The following DLG2 variants were observed in gnomAD, a reference collection of about 807,000 sequenced individuals.
DLG2 encodes discs large MAGUK scaffold protein 2.
A neutral mutation model predicts 132.5 loss-of-function variants in DLG2; 45 were observed. The observed-to-expected ratio is 0.34, with a 90% confidence interval of 0.27 to 0.44. The LOEUF is 0.44. Ranked by LOEUF, DLG2 falls within the 20% of genes least tolerant of loss-of-function variation. DLG2 has a pLI of 1.00. For missense variants in DLG2, 1,045 were observed against 1,196.9 expected (o/e 0.87, Z 1.87); for synonymous variants, 424 against 419.6 (o/e 1.01, Z -0.13).
chr11:84,202,603 C>CA (rs2096610960), intron 8 of DLG2, among the ~76,000 whole-genome samples: 1 of 152,084 alleles, frequency 6.6e-6, no homozygotes, highest in African/African-American at 2.4e-5. Flanking sequence ...GAAACAAAAG[C>CA]AAAAATTGAC....
At chr11:84,066,306 T>C (rs2096671516) in intron 10 of DLG2, among the ~76,000 whole-genome samples, 1 of 152,230 alleles carries the variant, frequency 6.6e-6, no homozygotes, top group South Asian at 2.1e-4. Context: ...CAATGTAATT[T>C]CCTTTTCATA....
intron 18 of DLG2, among the ~76,000 whole-genome samples, chr11:83,751,119 A>G (rs1397367507): frequency 6.6e-6 from 1 of 152,220 alleles, no homozygotes; most frequent in East Asian, 1.9e-4. Context: ...TATACTGTGG[A>G]GGCAGAAAAG....
chr11:84,610,355 A>AT lies in DLG2; in HGVS notation c.358-75625dup, dbSNP rs527399315. 7.0e-3 allele frequency among the ~76,000 whole-genome samples: 1,069 copies of AT among 151,994 alleles called. 8 individuals are homozygous for AT. Among genetic ancestry groups the AT allele is most frequent in the Non-Finnish European group, 0.01 (697 of 67,936 alleles). On this transcript the variant is annotated intron_variant, in intron 6 of 27. Coordinates refer to ENST00000376104, the MANE Select transcript of DLG2 (RefSeq NM_001142699.3). The stretch of plus-strand genomic sequence containing the variant: ...ATATTTTTTAAAAATTTTTTGCAAG[A>AT]TTTTTTTTGCCCTTAATACTTCCTA...
chr11:85,083,840 T>C (rs1164388118), intron 6 of DLG2, among the ~76,000 whole-genome samples: 1 of 152,032 alleles, frequency 6.6e-6, no homozygotes, highest in Non-Finnish European at 1.5e-5. Context: ...TTAATGCTGG[T>C]CAGTTGTGCC....
chr11:84,918,833 CAAAT>C (rs1478644627), intron 6 of DLG2, among the ~76,000 whole-genome samples: 2 of 151,988 alleles, frequency 1.3e-5, no homozygotes, highest in East Asian at 1.9e-4. Flanking sequence ...TTAAGATAAA[CAAAT>C]AATCTGAAAA....
rs557243050 is a variant in DLG2 at position 84,647,145 on chromosome 11, A to T, written c.358-112414T>A. On this transcript the variant is annotated intron_variant, in intron 6 of 27. Transcript: ENST00000376104. ...AGGTACTAATGGCATAATAAGAGCT[A>T]TGAAAGCACAAAGAATGAATTAAGA... 2.6e-5 allele frequency among the ~76,000 whole-genome samples: 4 copies of T among 152,334 alleles called. No individual in the cohort carries two copies. The South Asian group carries it at 8.3e-4, about 32-fold the overall frequency.
rs1227004904 is a variant in DLG2, at chr11:83,776,747, TC to T, written c.1825+9942del. On this transcript the variant is annotated intron_variant, in intron 18 of 27. Coordinates refer to ENST00000376104, the MANE Select transcript of DLG2 (RefSeq NM_001142699.3). Reference sequence around the variant, plus strand: ...CCTTCAGATACACTTCAGATATCTTTCCCTCCTGAAATACTCTTCCTCCTTT... The same window carrying T: ...CCTTCAGATACACTTCAGATATCTTTCCTCCTGAAATACTCTTCCTCCTTT... Among the ~76,000 whole-genome samples, 11 of 152,312 alleles carry T rather than the reference TC, an allele frequency of 7.2e-5. No homozygotes were observed. The South Asian group carries it at 1.2e-3, about 17-fold the overall frequency.
chr11:85,468,089 T>C (rs535816842), intron 3 of DLG2, among the ~76,000 whole-genome samples: 2 of 152,364 alleles, frequency 1.3e-5, no homozygotes, highest in Admixed American at 6.5e-5. Context: ...TTTTCTAGTT[T>C]ATTTGTGTAG....
At chr11:84,999,506 G>C (rs755602624) in intron 6 of DLG2, among the ~76,000 whole-genome samples, 1 of 152,028 alleles carries the variant, frequency 6.6e-6, no homozygotes, top group Non-Finnish European at 1.5e-5. Flanking sequence ...GACATCCATG[G>C]AATAAAAATG....
At chr11:83,720,633 A>G (rs2088244313) in intron 18 of DLG2, among the ~76,000 whole-genome samples, 2 of 152,020 alleles carry the variant, frequency 1.3e-5, no homozygotes, top group African/African-American at 4.8e-5. Context: ...CACTGTAAAT[A>G]CTTACATATC....
At chr11:83,855,984 T>G (rs2060481514) in intron 16 of DLG2, among the ~76,000 whole-genome samples, 1 of 152,180 alleles carries the variant, frequency 6.6e-6, no homozygotes, top group African/African-American at 2.4e-5. Flanking sequence ...CTCTCCCTCC[T>G]CCCACCCTCC....
intron 8 of DLG2, among the ~76,000 whole-genome samples, chr11:84,184,683 C>G (rs899420829): frequency 5.3e-4 from 80 of 152,218 alleles, no homozygotes; most frequent in African/African-American, 1.9e-3. Context: ...AGGTTTTCTT[C>G]TAGGGTTTTT....
At chr11:83,777,175 T>C (rs2094613847) in intron 18 of DLG2, among the ~76,000 whole-genome samples, 2 of 152,230 alleles carry the variant, frequency 1.3e-5, no homozygotes, top group Non-Finnish European at 2.9e-5. Context: ...TTTACCAATG[T>C]GCCAGCAATT....
intron 6 of DLG2, among the ~76,000 whole-genome samples, chr11:84,994,257 A>G (rs1272028359): frequency 1.3e-5 from 2 of 152,130 alleles, no homozygotes; most frequent in Non-Finnish European, 2.9e-5. Context: ...CTGTTTCCTC[A>G]TGTAGCCACT....
At chr11:83,507,447 T>A (rs1177020042) in intron 21 of DLG2, among the ~76,000 whole-genome samples, 1 of 140,972 alleles carries the variant, frequency 7.1e-6, no homozygotes, top group Admixed American at 7.3e-5. Flanking sequence ...TATATCTGTA[T>A]ATATATACAC....
intron 16 of DLG2, among the ~76,000 whole-genome samples, chr11:83,867,164 A>T (rs1378441688): frequency 1.3e-5 from 2 of 152,164 alleles, no homozygotes; most frequent in Non-Finnish European, 2.9e-5. Flanking sequence ...TGGCCAACTC[A>T]TAATAACAAA....
At chr11:84,161,079 A>G (rs1009608437) in intron 9 of DLG2, among the ~76,000 whole-genome samples, 3 of 152,212 alleles carry the variant, frequency 2.0e-5, no homozygotes, top group African/African-American at 7.2e-5. Flanking sequence ...TTAAAGTGAG[A>G]TGAGTGAGTG....
At chr11:85,228,935 T>G (rs556939160) in intron 4 of DLG2, among the ~76,000 whole-genome samples, 1 of 151,400 alleles carries the variant, frequency 6.6e-6, no homozygotes, top group South Asian at 2.1e-4. Flanking sequence ...CTTTAAATAA[T>G]ATATATAGTA....
intron 5 of DLG2, among the ~76,000 whole-genome samples, chr11:85,146,619 G>A (rs2076881268): frequency 6.6e-6 from 1 of 152,070 alleles, no homozygotes; most frequent in South Asian, 2.1e-4. Context: ...GCAAGATGAA[G>A]TCCTTTGTAC....
Sources: allele counts gnomAD v4.1 joint callset (sites outside exome capture counted in the v4.1 genomes callset), GRCh38; gene constraint gnomAD v4.1.1; transcripts MANE v1.5; gene names NCBI Gene and HGNC (gene_info 2026-07-23, HGNC 2026-07-21).